AP5B1: variants seen among roughly 807,000 people sequenced by gnomAD.
AP5B1 encodes adaptor related protein complex 5 subunit beta 1.
Under a neutral mutation model 5.7 loss-of-function variants are expected in AP5B1, and 3 were observed. That is an observed-to-expected ratio of 0.53 (90% CI 0.24 to 1.36). The LOEUF (loss-of-function observed/expected upper bound fraction) is 1.36. Ranked by LOEUF, AP5B1 falls within the 40% of genes most tolerant of loss-of-function variation. The pLI is 0.17. For missense variants in AP5B1, 1,310 were observed against 1,143.2 expected, an observed-to-expected ratio of 1.15 and a Z score of -2.10; for synonymous variants, 696 against 555.5, an observed-to-expected ratio of 1.25 and a Z score of -3.56.
rs553712201 is a variant in AP5B1, at chr11:65,778,678, G to T, written c.1815C>A (p.Asp605Glu). ...LLQVLARQLE[D>E]PDGRDHARLY... The stretch of plus-strand genomic sequence containing the variant: ...GGCGGGCGTGGTCACGCCCATCAGG[G>T]TCCTCCAGCTGCCTGGCCAGCACCT... The change falls in exon 2 of 2, where the codon GAC becomes GAA. Residue 605 changes from aspartate to glutamate, a missense_variant. Asp to Glu is a conservative substitution (Grantham distance 45). Coordinates refer to ENST00000532090, the MANE Select transcript of AP5B1 (RefSeq NM_138368.5). The T allele has an allele frequency of 1.3e-6, 2 of 1,570,170 alleles. No homozygotes were observed. Among genetic ancestry groups the T allele is most frequent in the South Asian group, 2.3e-5 (2 of 86,540 alleles).
rs1857782901 is a variant in AP5B1 at position 65,777,769 on chromosome 11, A to T, written c.*87T>A. On this transcript the variant is annotated 3_prime_UTR_variant, in exon 2 of 2. Coordinates refer to ENST00000532090, the MANE Select transcript of AP5B1 (RefSeq NM_138368.5). ...AAACAAGCCAGCGAGGGCACTGCGGAATGCAGGGTTTTGGCGACAGAGCTA... is the reference window on the plus strand; with the variant it reads ...AAACAAGCCAGCGAGGGCACTGCGGTATGCAGGGTTTTGGCGACAGAGCTA... 7.9e-6 allele frequency: 11 copies of T among 1,393,256 alleles called. No individual in the cohort carries two copies. The highest frequency in any genetic ancestry group is 9.5e-6 in the Non-Finnish European group (10 of 1,057,648). 86.3% of individuals were successfully genotyped at this position (1,393,256 alleles called of 1,614,324 possible).
chr11:65,780,385 G>A, intron 1 of AP5B1, 43 bp from the exon 2 acceptor site: 1 of 1,463,412 alleles, frequency 6.8e-7, no homozygotes, highest in Non-Finnish European at 9.0e-7. Context: ...TGAGGTTCAT[G>A]ACGCGGCGGG....
At position 65,775,908 on chromosome 11, in the gene AP5B1, T is replaced by G. The variant is rs993269242; in HGVS notation, c.*1948A>C. 1 of 152,210 alleles carries G rather than the reference T, an allele frequency of 6.6e-6. No homozygotes were observed. The highest frequency in any genetic ancestry group is 2.4e-5 in the African/African-American group (1 of 41,418). The allele number at this position is 152,210 out of a possible 1,614,324, so 9.4% of individuals were successfully genotyped here. On this transcript the variant is annotated 3_prime_UTR_variant, in exon 2 of 2. Transcript: ENST00000532090. ...AGGCCCTTTCTTTTTTTTCTTTTTT[T>G]GAGACAGAGCCTTGCTCTGTCGCCC...
chr11:65,780,780 G>A lies in AP5B1; in HGVS notation c.-189C>T. 6.0e-6 allele frequency: 3 copies of A among 501,916 alleles called. No individual in the cohort carries two copies. Among genetic ancestry groups the A allele is most frequent in the Non-Finnish European group, 9.2e-6 (3 of 326,142 alleles). The allele number at this position is 501,916 out of a possible 1,614,324, so 31.1% of individuals were successfully genotyped here. A position where few individuals can be genotyped will look rare whatever the true frequency, so the allele number is the denominator to read the frequency against. On this transcript the variant is annotated 5_prime_UTR_variant, in exon 1 of 2. Transcript: ENST00000532090. Reference sequence around the variant, plus strand: ...GGGGCCGACGCCAGAGCTGGGCGCCGGGGCCCTCGCGGGACAGGACAGGAG... The same window carrying A: ...GGGGCCGACGCCAGAGCTGGGCGCCAGGGCCCTCGCGGGACAGGACAGGAG...
chr11:65,777,753 A>T lies in AP5B1; in HGVS notation c.*103T>A. ...ACCGGGGCCCAAAAGAAAACAAGCC[A>T]GCGAGGGCACTGCGGAATGCAGGGT... On this transcript the variant is annotated 3_prime_UTR_variant, in exon 2 of 2. Transcript: ENST00000532090. The T allele has an allele frequency of 7.5e-7, 1 of 1,336,706 alleles. No individual in the cohort carries two copies. Among genetic ancestry groups the T allele is most frequent in the Non-Finnish European group, 9.9e-7 (1 of 1,009,886 alleles). 82.8% of individuals were successfully genotyped at this position (1,336,706 alleles called of 1,614,324 possible). A position where few individuals can be genotyped will look rare whatever the true frequency, so the allele number is the denominator to read the frequency against.
chr11:65,780,187 A>T lies in AP5B1; in HGVS notation c.306T>A (p.Thr102=). ...CCAGCGCGCCGCCCGCCGCCAGGGCAGTGGTGGCCGCCAGCAGCAGTGGCC... is the reference window on the plus strand; with the variant it reads ...CCAGCGCGCCGCCCGCCGCCAGGGCTGTGGTGGCCGCCAGCAGCAGTGGCC... ...LRRPLLLAAT[T]ALAAGGALGP... The change falls in exon 2 of 2, where the codon ACT becomes ACA. Residue 102 remains threonine, a synonymous_variant. Coordinates refer to ENST00000532090, the MANE Select transcript of AP5B1 (RefSeq NM_138368.5). 1 of 1,497,200 alleles carries T rather than the reference A, an allele frequency of 6.7e-7. No individual in the cohort carries two copies. The highest frequency in any genetic ancestry group is 8.9e-7 in the Non-Finnish European group (1 of 1,126,224). 92.7% of individuals were successfully genotyped at this position (1,497,200 alleles called of 1,614,324 possible).
In AP5B1 at chr11:65,778,406, C is replaced by T. The variant is rs768985804; in HGVS notation, c.2087G>A (p.Arg696His). 16 of 1,591,116 alleles carry T rather than the reference C, an allele frequency of 1.0e-5. No homozygotes were observed. In the East Asian group the frequency reaches 1.1e-4, roughly 11 times the overall value. ...ATACAGCTGTCCTTCCACACGGAAG[C>T]GCAGCTCCAGAGAGTAGATGGGCTC... ...ALEPIYSLEL[R>H]FRVEGQLYAP... is the part of the protein sequence containing the mutation. The change falls in exon 2 of 2, where the codon CGC (arginine) becomes CAC (histidine). Residue 696 changes from arginine (R) to histidine (H), a missense_variant. Arg to His is a conservative substitution (Grantham distance 29). Transcript: ENST00000532090.
chr11:65,778,167 C>T lies in AP5B1; in HGVS notation c.2326G>A (p.Gly776Arg). Residue 776 changes from glycine to arginine, a missense_variant, in exon 2 of 2, where the codon GGG becomes AGG. Gly to Arg is a moderately radical substitution (Grantham distance 125, BLOSUM62 -2). Transcript: ENST00000532090. ...LFLPFPQPPEGAGLGFFEELW... is the reference protein window; with the variant it reads ...LFLPFPQPPERAGLGFFEELW... ...TCCTCAAAGAAGCCCAGCCCGGCCC[C>T]CTCTGGAGGCTGCGGGAAAGGCAGA... The T allele has an allele frequency of 6.2e-7, 1 of 1,613,008 alleles. No homozygotes were observed. The highest frequency in any genetic ancestry group is 8.5e-7 in the Non-Finnish European group (1 of 1,179,888).
chr11:65,780,824 G>C lies in AP5B1; in HGVS notation c.-233C>G. 2.8e-6 allele frequency: 1 copy of C among 360,714 alleles called. No individual in the cohort carries two copies. The highest frequency in any genetic ancestry group is 4.9e-6 in the Non-Finnish European group (1 of 205,416). The allele number at this position is 360,714 out of a possible 1,614,324, so 22.3% of individuals were successfully genotyped here. A position where few individuals can be genotyped will look rare whatever the true frequency, so the allele number is the denominator to read the frequency against. On this transcript the variant is annotated 5_prime_UTR_variant, in exon 1 of 2. Transcript: ENST00000532090. ...ACAGGAGCAGGGCGGGGGAGGGTGC[G>C]TGCCGAGAGCTCGTTAGGCCGCCTC...
Position 65,776,427 on chromosome 11 carries a change from T to C in AP5B1, c.*1429A>G, listed in dbSNP as rs1395644903. 1 of 152,162 alleles carries C rather than the reference T, an allele frequency of 6.6e-6. No individual in the cohort carries two copies. The highest frequency in any genetic ancestry group is 1.9e-4 in the East Asian group (1 of 5,186). The allele number at this position is 152,162 out of a possible 1,614,324, so 9.4% of individuals were successfully genotyped here. The stretch of plus-strand genomic sequence containing the variant: ...AGCTGGGTGACCTTAGGAAAATCAC[T>C]CAACCGCTCCTGCCTACGGATTTCC... On this transcript the variant is annotated 3_prime_UTR_variant, in exon 2 of 2. Transcript: ENST00000532090.
chr11:65,778,805 G>A lies in AP5B1; in HGVS notation c.1688C>T (p.Ala563Val), dbSNP rs376592294. 9 of 1,611,330 alleles carry A rather than the reference G, an allele frequency of 5.6e-6. No individual in the cohort carries two copies. Among genetic ancestry groups the A allele is most frequent in the Admixed American group, 5.0e-5 (3 of 59,888 alleles). Residue 563 changes from alanine to valine, a missense_variant, in exon 2 of 2, where the codon GCG (alanine) becomes GTG (valine). Transcript: ENST00000532090. ...QSATLNFLQA[A>V]AAHCTNWDLQ... ...GTCCCAGTTCGTGCAGTGGGCAGCC[G>A]CGGCCTGTAGAAAGTTGAGGGTAGC...
chr11:65,779,823 C>T lies in AP5B1; in HGVS notation c.670G>A (p.Asp224Asn). The T allele has an allele frequency of 1.3e-6, 2 of 1,589,690 alleles. No individual in the cohort carries two copies. Among genetic ancestry groups the T allele is most frequent in the Non-Finnish European group, 8.6e-7 (1 of 1,168,320 alleles). Residue 224 changes from aspartate to asparagine, a missense_variant, in exon 2 of 2, where the codon GAT becomes AAT. Asp to Asn is a conservative substitution (Grantham distance 23). Coordinates refer to ENST00000532090, the MANE Select transcript of AP5B1 (RefSeq NM_138368.5). ...TCGCCCTCCTCCACTAGTGTCCAAT[C>T]CCAGGGACCACCCCCAGTTGGGGAG... ...KVSPTGGGPW[D>N]WTLVEEGDGR...
chr11:65,778,994 A>C lies in AP5B1; in HGVS notation c.1499T>G (p.Leu500Arg), dbSNP rs770310566. The change falls in exon 2 of 2, where the codon CTG becomes CGG. Residue 500 changes from leucine (L) to arginine (R), a missense_variant. Coordinates refer to ENST00000532090, the MANE Select transcript of AP5B1 (RefSeq NM_138368.5). ...LAQLYQARPM[L>R]APHFVDLLDQ... ...CAAGAGGTCCACAAAGTGGGGAGCC[A>C]GCATGGGCCGGGCTTGGTACAGCTG... 1.4e-5 allele frequency: 23 copies of C among 1,611,982 alleles called. No homozygotes were observed. The highest frequency in any genetic ancestry group is 2.0e-5 in the Non-Finnish European group (23 of 1,179,412).
rs1189032231 is a variant in AP5B1, at chr11:65,776,714, G to C, written c.*1142C>G. 6.6e-6 allele frequency: 1 copy of C among 152,186 alleles called. No homozygotes were observed. The highest frequency in any genetic ancestry group is 2.4e-5 in the African/African-American group (1 of 41,446). The allele number at this position is 152,186 out of a possible 1,614,324, so 9.4% of individuals were successfully genotyped here. On this transcript the variant is annotated 3_prime_UTR_variant, in exon 2 of 2. Transcript: ENST00000532090. Reference sequence around the variant, plus strand: ...GCCCTTCCTAGAGCTGGCTCTAATCGGCACAGCTTGGGAAGCTCTCCACCT... The same window carrying C: ...GCCCTTCCTAGAGCTGGCTCTAATCCGCACAGCTTGGGAAGCTCTCCACCT...
At position 65,777,992 on chromosome 11, in the gene AP5B1, A is replaced by G. The variant is rs781587933; in HGVS notation, c.2501T>C (p.Leu834Pro). The stretch of plus-strand genomic sequence containing the variant: ...CAGCAGCAGCTTTGAGTCCGGGGGC[A>G]GGTGGATTGCTACACAGTAGCTGGT... ...PPTSYCVAIHLPPDSKLLLRL... is the reference protein window; with the variant it reads ...PPTSYCVAIHPPPDSKLLLRL... Residue 834 changes from leucine (L) to proline (P), a missense_variant, in exon 2 of 2, where the codon CTG becomes CCG. By Grantham distance (98) the Leu-to-Pro change is moderately conservative. Coordinates refer to ENST00000532090, the MANE Select transcript of AP5B1 (RefSeq NM_138368.5). 3.1e-6 allele frequency: 5 copies of G among 1,610,978 alleles called. No individual in the cohort carries two copies. Among genetic ancestry groups the G allele is most frequent in the Non-Finnish European group, 3.4e-6 (4 of 1,179,210 alleles).
At position 65,780,239 on chromosome 11, in the gene AP5B1, A is replaced by G; in HGVS notation, c.254T>C (p.Leu85Pro). Residue 85 changes from leucine to proline, a missense_variant, in exon 2 of 2, where the codon CTA becomes CCA. By Grantham distance (98) the Leu-to-Pro change is moderately conservative. Transcript: ENST00000532090. ...ATSLLDTLVL[L>P]PPRPSALRRP... is the part of the protein sequence containing the mutation. Reference sequence around the variant, plus strand: ...ACGGAGAGCTGAGGGCCGCGGGGGTAGGAGGACCAAGGTGTCCAACAGGGA... The same window carrying G: ...ACGGAGAGCTGAGGGCCGCGGGGGTGGGAGGACCAAGGTGTCCAACAGGGA... The G allele has an allele frequency of 2.0e-6, 3 of 1,512,990 alleles. No homozygotes were observed. Among genetic ancestry groups the G allele is most frequent in the South Asian group, 1.3e-5 (1 of 77,732 alleles). 93.7% of individuals were successfully genotyped at this position (1,512,990 alleles called of 1,614,324 possible).
In AP5B1 at chr11:65,777,944, T is replaced by C. The variant is rs377207685; in HGVS notation, c.2549A>G (p.Asp850Gly). The C allele has an allele frequency of 1.3e-6, 2 of 1,575,830 alleles. No individual in the cohort carries two copies. Among genetic ancestry groups the C allele is most frequent in the Non-Finnish European group, 1.7e-6 (2 of 1,161,928 alleles). ...GGTCCGCAGGGCCACAGGCACTCCA[T>C]CTGCCAGGGCCGCCTCCAGCCGCAG... ...LLLRLEAALA[D>G]GVPVALRTDD... The change falls in exon 2 of 2, where the codon GAT (aspartate) becomes GGT (glycine). Residue 850 changes from aspartate to glycine, a missense_variant. Physicochemically the swap from Asp to Gly is moderately conservative, Grantham distance 94. Transcript: ENST00000532090.
In AP5B1 at chr11:65,779,872, C is replaced by A. The variant is rs375738465; in HGVS notation, c.621G>T (p.Leu207=). 6 of 1,595,902 alleles carry A rather than the reference C, an allele frequency of 3.8e-6. No homozygotes were observed. Among genetic ancestry groups the A allele is most frequent in the Non-Finnish European group, 4.3e-6 (5 of 1,170,922 alleles). The change falls in exon 2 of 2, where the codon CTG becomes CTT. Residue 207 remains leucine (L), a synonymous_variant. Transcript: ENST00000532090. ...AGACCTTATCCGTGAGCAGTCCCCC[C>A]AGGCCAGCCCCAACCCGGGACTGGA... ...LVLQSRVGAG[L]GGLLTDKVSP...
Position 65,779,043 on chromosome 11 carries a change from TCAGCACCGTAGGTTG to T in AP5B1, c.1435_1449del (p.Gln479_Leu483del). 6.2e-7 allele frequency: 1 copy of T among 1,606,890 alleles called. No individual in the cohort carries two copies. Among genetic ancestry groups the T allele is most frequent in the Admixed American group, 1.7e-5 (1 of 59,372 alleles). On this transcript the variant is annotated inframe_deletion, in exon 2 of 2. Coordinates refer to ENST00000532090, the MANE Select transcript of AP5B1 (RefSeq NM_138368.5). Reference sequence around the variant, plus strand: ...TGGGCCAGTCCGTGGATCAAGGGGGTCAGCACCGTAGGTTGCCCAGCCAGGCAGCAGGCCACCAGA... The same window carrying T: ...TGGGCCAGTCCGTGGATCAAGGGGGTCCCAGCCAGGCAGCAGGCCACCAGA...
Sources: allele counts gnomAD v4.1 joint callset, GRCh38; gene constraint gnomAD v4.1.1; transcripts MANE v1.5; gene names NCBI Gene and HGNC (gene_info 2026-07-23, HGNC 2026-07-21).